IPO4: variants seen among roughly 807,000 people sequenced by gnomAD.
IPO4 encodes the protein importin-4.
A neutral mutation model predicts 133.5 loss-of-function variants in IPO4; 91 were observed. That is an observed-to-expected ratio of 0.68 (90% confidence interval 0.58 to 0.81). The LOEUF (loss-of-function observed/expected upper bound fraction) is 0.81. IPO4 is among the 30% of genes least tolerant of loss of function. The pLI is 0.00. For synonymous variants in IPO4, 607 were observed against 581.6 expected, an observed-to-expected ratio of 1.04 and a Z score of -0.63; for missense variants, 1,279 against 1,386.2, an observed-to-expected ratio of 0.92 and a Z score of 1.23.
At position 24,182,275 on chromosome 14, in the gene IPO4, C is replaced by CA; in HGVS notation, c.2598+2dup. The CA allele has an allele frequency of 6.2e-7, 1 of 1,614,170 alleles. No homozygotes were observed. Among genetic ancestry groups the CA allele is most frequent in the Non-Finnish European group, 8.5e-7 (1 of 1,180,012 alleles). ...GGCTTGAAGCCAGAAGATGGACACT[C>CA]ACTGTCTTGCACACCAATAATGGCA... On this transcript the variant is annotated splice_region_variant and intron_variant, in intron 25 of 29. Coordinates refer to ENST00000354464, the MANE Select transcript of IPO4 (RefSeq NM_024658.4).
chr14:24,188,258 C>G lies in IPO4; in HGVS notation c.237-1G>C. On this transcript the variant is annotated splice_acceptor_variant, in intron 3 of 29. Coordinates refer to ENST00000354464, the MANE Select transcript of IPO4 (RefSeq NM_024658.4). LOFTEE classifies it high-confidence loss of function. Reference sequence around the variant, plus strand: ...GGCCGTCAGGATCAGGGACTTGAGGCTGGAACACAGGTGGCAGGTGTTTGG... The same window carrying G: ...GGCCGTCAGGATCAGGGACTTGAGGGTGGAACACAGGTGGCAGGTGTTTGG... The G allele has an allele frequency of 6.2e-7, 1 of 1,613,604 alleles. No individual in the cohort carries two copies. Among genetic ancestry groups the G allele is most frequent in the South Asian group, 1.1e-5 (1 of 90,938 alleles).
In IPO4 at chr14:24,182,082, C is replaced by G. The variant is rs1346759595; in HGVS notation, c.2680G>C (p.Ala894Pro). The G allele has an allele frequency of 1.2e-6, 2 of 1,613,888 alleles. No individual in the cohort carries two copies. The highest frequency in any genetic ancestry group is 4.5e-5 in the East Asian group (2 of 44,892). Reference protein sequence around the residue: ...ETIQGLGAASAQFVSRLLPVL... With the variant: ...ETIQGLGAASPQFVSRLLPVL... Reference sequence around the variant, plus strand: ...GGGAGCAGCCGAGACACAAACTGGGCTGAGGCAGCACCCAGGCCCTGAATA... The same window carrying G: ...GGGAGCAGCCGAGACACAAACTGGGGTGAGGCAGCACCCAGGCCCTGAATA... Residue 894 changes from alanine to proline, a missense_variant, in exon 26 of 30, where the codon GCC becomes CCC. Around this residue, in one of 3 missense-constraint regions of IPO4, gnomAD observed 575 missense variants for 653.4 expected, o/e 0.88. Coordinates refer to ENST00000354464, the MANE Select transcript of IPO4 (RefSeq NM_024658.4).
At chr14:24,182,559 T>C in intron 24 of IPO4, 156 bp from the exon 25 acceptor site, 4 of 1,105,868 alleles carry the variant, frequency 3.6e-6, no homozygotes, top group East Asian at 4.9e-5. Flanking sequence ...ACCCAGCTTC[T>C]TCCCCTGGCT....
At position 24,183,045 on chromosome 14, in the gene IPO4, G is replaced by T; in HGVS notation, c.2352C>A (p.Thr784=). 6.2e-7 allele frequency: 1 copy of T among 1,613,798 alleles called. No individual in the cohort carries two copies. Among genetic ancestry groups the T allele is most frequent in the Non-Finnish European group, 8.5e-7 (1 of 1,180,014 alleles). Residue 784 remains threonine (T), a synonymous_variant, in exon 23 of 30, where the codon ACC becomes ACA. Coordinates refer to ENST00000354464, the MANE Select transcript of IPO4 (RefSeq NM_024658.4). ...ALTGVLRSCG[T]LTLKPPGRLA... is the part of the protein sequence containing the mutation. Reference sequence around the variant, plus strand: ...GGCGCCCAGGGGGCTTCAGTGTGAGGGTCCCACAGCTGCGGAGCACCCCTG... The same window carrying T: ...GGCGCCCAGGGGGCTTCAGTGTGAGTGTCCCACAGCTGCGGAGCACCCCTG...
chr14:24,187,286 G>C (rs1031946314), intron 6 of IPO4, 114 bp downstream of exon 6: 1 of 1,468,348 alleles, frequency 6.8e-7, no homozygotes, highest in Non-Finnish European at 9.5e-7. Context: ...CCTCTCAATT[G>C]TCAGGAAGGG....
chr14:24,188,620 T>C lies in IPO4; in HGVS notation c.88A>G (p.Ile30Val). Residue 30 changes from isoleucine (I) to valine (V), a missense_variant, in exon 2 of 30, where the codon ATC becomes GTC. Transcript: ENST00000354464. The stretch of plus-strand genomic sequence containing the variant: ...AAAGCGGCGGGGGCCCGAAGAACGA[T>C]CTGGAGCTGTTCCGTGGCCTGGGGG... ...RIRRATEQLQIVLRAPAALPA... is the reference protein window; with the variant it reads ...RIRRATEQLQVVLRAPAALPA... The C allele has an allele frequency of 2.5e-6, 4 of 1,611,462 alleles. No individual in the cohort carries two copies. The highest frequency in any genetic ancestry group is 1.7e-5 in the Admixed American group (1 of 59,784).
chr14:24,184,312 G>A lies in IPO4; in HGVS notation c.1743C>T (p.Asp581=). The change falls in exon 17 of 30, where the codon GAC becomes GAT. Residue 581 remains aspartate, a synonymous_variant. Coordinates refer to ENST00000354464, the MANE Select transcript of IPO4 (RefSeq NM_024658.4). ...GGGTCACTCACGTGCAGCGCCGCAA[G>A]TCAGGGTCGTCTACCTGGTCGCAGA... ...LGLCDQVDDP[D]LRRCTYSLFA... 1 of 1,585,290 alleles carries A rather than the reference G, an allele frequency of 6.3e-7. No individual in the cohort carries two copies. Among genetic ancestry groups the A allele is most frequent in the Non-Finnish European group, 8.6e-7 (1 of 1,165,866 alleles).
In IPO4 at chr14:24,187,140, C is replaced by T. The variant is rs757410149; in HGVS notation, c.599G>A (p.Arg200Gln). The T allele has an allele frequency of 1.1e-5, 17 of 1,613,634 alleles. No individual in the cohort carries two copies. The highest frequency in any genetic ancestry group is 2.2e-5 in the South Asian group (2 of 91,080). The change falls in exon 7 of 30, where the codon CGG (arginine) becomes CAG (glutamine). Residue 200 changes from arginine (R) to glutamine (Q), a missense_variant. Physicochemically the swap from Arg to Gln is conservative, Grantham distance 43. Transcript: ENST00000354464. ...CATGATCAGCTTGGGCACCAACATC[C>T]GAGCGAGAGGCTGAGGGACACATCA... ...YLSTEDVPLA[R>Q]MLVPKLIMAM...
At chr14:24,186,073 AG>A (rs2039217970) in intron 11 of IPO4, 55 bp downstream of exon 11, 14 of 1,605,752 alleles carry the variant, frequency 8.7e-6, no homozygotes, top group Non-Finnish European at 1.2e-5. Context: ...CGTTGGCCTC[AG>A]GGGGACTAGG....
chr14:24,180,917 A>G (rs934810376), intron 28 of IPO4, among the ~76,000 whole-genome samples, 159 bp from the exon 29 acceptor site: 3 of 152,186 alleles, frequency 2.0e-5, no homozygotes, highest in Non-Finnish European at 4.4e-5. Flanking sequence ...GAGAAGAACC[A>G]ATGAAACTTG....
Position 24,183,534 on chromosome 14 carries a change from G to A in IPO4, c.2064-21C>T, listed in dbSNP as rs376591789. 42 of 1,613,926 alleles carry A rather than the reference G, an allele frequency of 2.6e-5. No homozygotes were observed. In the Admixed American group the frequency reaches 2.7e-4, roughly 10 times the overall value. On this transcript the variant is annotated intron_variant, in intron 20 of 29. Coordinates refer to ENST00000354464, the MANE Select transcript of IPO4 (RefSeq NM_024658.4). ...CCACACTACAGAGAGAGACACAGCC[G>A]TGGGTAAGGGGCCCCCAGGCAGGGT...
At position 24,186,438 on chromosome 14, in the gene IPO4, T is replaced by C; in HGVS notation, c.854A>G (p.Asn285Ser). 6.3e-7 allele frequency: 1 copy of C among 1,591,366 alleles called. No individual in the cohort carries two copies. The stretch of plus-strand genomic sequence containing the variant: ...GTGCAGCAAGGGTGGCAGGAGACGA[T>C]TCTTCAGTAAGGCCTTGACAGAGAA... ...VKVKSKALLK[N>S]RLLPPLLHTL... The change falls in exon 10 of 30, where the codon AAT becomes AGT. Residue 285 changes from asparagine (N) to serine (S), a missense_variant. By Grantham distance (46) the Asn-to-Ser change is conservative (BLOSUM62 1). This residue lies in a region of IPO4 where 695 missense variants were observed against 704.1 expected (regional missense o/e 0.99). Coordinates refer to ENST00000354464, the MANE Select transcript of IPO4 (RefSeq NM_024658.4).
chr14:24,182,053 C>T lies in IPO4; in HGVS notation c.2709G>A (p.Val903=), dbSNP rs771095441. Reference sequence around the variant, plus strand: ...CTGCCTCTTGGGCGGTGCTCAACAGCACAGGGAGCAGCCGAGACACAAACT... The same window carrying T: ...CTGCCTCTTGGGCGGTGCTCAACAGTACAGGGAGCAGCCGAGACACAAACT... ...SAQFVSRLLP[V]LLSTAQEADP... Residue 903 remains valine, a synonymous_variant, in exon 26 of 30, where the codon GTG becomes GTA. Coordinates refer to ENST00000354464, the MANE Select transcript of IPO4 (RefSeq NM_024658.4). 13 of 1,613,690 alleles carry T rather than the reference C, an allele frequency of 8.1e-6. 1 individual carries two copies. In the South Asian group the frequency reaches 9.9e-5, roughly 12 times the overall value.
Position 24,187,680 on chromosome 14 carries a change from C to G in IPO4, c.395G>C (p.Ser132Thr). 1 of 1,614,188 alleles carries G rather than the reference C, an allele frequency of 6.2e-7. No individual in the cohort carries two copies. The highest frequency in any genetic ancestry group is 8.5e-7 in the Non-Finnish European group (1 of 1,180,002). The change falls in exon 5 of 30, where the codon AGC becomes ACC. Residue 132 changes from serine (S) to threonine (T), a missense_variant. Transcript: ENST00000354464. ...ATGTGATGGTACCTCTCTCTCTGGGCTGTGGGGGCTGTGGGTACTGTGCTG... is the reference window on the plus strand; with the variant it reads ...ATGTGATGGTACCTCTCTCTCTGGGGTGTGGGGGCTGTGGGTACTGTGCTG... ...LLQHSTHSPHSPEREMGLLLL... is the reference protein window; with the variant it reads ...LLQHSTHSPHTPEREMGLLLL...
Position 24,187,544 on chromosome 14 carries a change from G to A in IPO4, c.444C>T (p.Ser148=), listed in dbSNP as rs556358428. 5 of 1,614,170 alleles carry A rather than the reference G, an allele frequency of 3.1e-6. No individual in the cohort carries two copies. Among genetic ancestry groups the A allele is most frequent in the Middle Eastern group, 3.3e-4 (2 of 6,060 alleles). ...GLLLLSVVVT[S]RPEAFQPHHR... ...GGTGGGGTTGGAAGGCCTCGGGCCGGGAGGTCACCACCACACTTAGCAGCA... is the reference window on the plus strand; with the variant it reads ...GGTGGGGTTGGAAGGCCTCGGGCCGAGAGGTCACCACCACACTTAGCAGCA... The change falls in exon 6 of 30, where the codon TCC becomes TCT. Residue 148 remains serine, a synonymous_variant. Transcript: ENST00000354464.
Position 24,184,734 on chromosome 14 carries a change from A to G in IPO4, c.1552T>C (p.Tyr518His). The G allele has an allele frequency of 6.2e-7, 1 of 1,613,268 alleles. No homozygotes were observed. Among genetic ancestry groups the G allele is most frequent in the Non-Finnish European group, 8.5e-7 (1 of 1,179,634 alleles). ...ATAAQASLLPYFPAIMEHLRE... is the reference protein window; with the variant it reads ...ATAAQASLLPHFPAIMEHLRE... Reference sequence around the variant, plus strand: ...AGGTGCTCCATGATGGCAGGGAAGTAGGGCAGCAGCGAGGCCTGGGCAGCC... The same window carrying G: ...AGGTGCTCCATGATGGCAGGGAAGTGGGGCAGCAGCGAGGCCTGGGCAGCC... The change falls in exon 16 of 30, where the codon TAC (tyrosine) becomes CAC (histidine). Residue 518 changes from tyrosine (Y) to histidine (H), a missense_variant. Tyr to His is a moderately conservative substitution (Grantham distance 83, BLOSUM62 2). This residue lies in a region of IPO4 where 695 missense variants were observed against 704.1 expected (regional missense o/e 0.99). Transcript: ENST00000354464.
Position 24,188,198 on chromosome 14 carries a change from A to T in IPO4, c.278+18T>A. 1 of 1,611,486 alleles carries T rather than the reference A, an allele frequency of 6.2e-7. No homozygotes were observed. Among genetic ancestry groups the T allele is most frequent in the Non-Finnish European group, 8.5e-7 (1 of 1,178,644 alleles). ...GACAAAGTCGTCAAGATCCCGAGAG[A>T]AGTGGGTAGGTACTTACTCTGTTTC... On this transcript the variant is annotated intron_variant, in intron 4 of 29. Transcript: ENST00000354464.
At position 24,180,517 on chromosome 14, in the gene IPO4, G is replaced by T; in HGVS notation, c.3171C>A (p.Asp1057Glu). The change falls in exon 30 of 30, where the codon GAC becomes GAA. Residue 1057 changes from aspartate to glutamate, a missense_variant. Physicochemically the swap from Asp to Glu is conservative, Grantham distance 45. Around this residue, in one of 3 missense-constraint regions of IPO4, gnomAD observed 575 missense variants for 653.4 expected, o/e 0.88. Coordinates refer to ENST00000354464, the MANE Select transcript of IPO4 (RefSeq NM_024658.4). ...GTGAGCCCAGAGCTGCTTGAAAGCT[G>T]TCGGTGTGCTGTTTGGCCAGGAACG... ...LLTFLAKQHT[D>E]SFQAALGSLP... is the part of the protein sequence containing the mutation. 6.2e-7 allele frequency: 1 copy of T among 1,614,142 alleles called. No homozygotes were observed. The highest frequency in any genetic ancestry group is 1.1e-5 in the South Asian group (1 of 91,062).
At chr14:24,184,505 C>T (rs914063238) in intron 16 of IPO4, 87 bp from the exon 17 acceptor site, 23 of 1,502,786 alleles carry the variant, frequency 1.5e-5, no homozygotes, top group South Asian at 2.6e-5. Context: ...TCAGAAATCC[C>T]GCCCCACCCC....
Sources: allele counts gnomAD v4.1 joint callset (sites outside exome capture counted in the v4.1 genomes callset), GRCh38; gene constraint gnomAD v4.1.1; regional missense constraint gnomAD v4.1.1; transcripts MANE v1.5; gene names NCBI Gene and HGNC (gene_info 2026-07-23, HGNC 2026-07-21).